Variants in CTNNA1 observed in about 807,000 individuals in gnomAD.
CTNNA1 encodes catenin alpha-1.
In CTNNA1, 37 loss-of-function variants were observed where a neutral mutation model predicts 98.4. That is an observed-to-expected ratio of 0.38 (90% CI 0.29 to 0.49). The LOEUF (loss-of-function observed/expected upper bound fraction) is 0.49. Among genes scored for constraint, CTNNA1 ranks in the 20% least tolerant of loss-of-function variants. CTNNA1 has a pLI of 0.95. For synonymous variants in CTNNA1, 404 were observed against 413.2 expected (o/e 0.98, Z 0.27); for missense variants, 761 against 1,147.2 (o/e 0.66, Z 4.86).
At chr5:138,915,182 C>A (rs538384762) in intron 10 of CTNNA1, among the ~76,000 whole-genome samples, 1 of 152,160 alleles carries the variant, frequency 6.6e-6, no homozygotes, top group Admixed American at 6.5e-5. Context: ...ACATTTACTT[C>A]TAATAACCCA....
chr5:138,905,740 AGTTT>A (rs914241279), intron 10 of CTNNA1, among the ~76,000 whole-genome samples: 11 of 152,150 alleles, frequency 7.2e-5, no homozygotes, highest in African/African-American at 2.7e-4. Context: ...AGAAGAGCTG[AGTTT>A]GTTTGTCTGG....
chr5:138,818,840 GC>G (rs561064350), intron 5 of CTNNA1, among the ~76,000 whole-genome samples: 35 of 152,228 alleles, frequency 2.3e-4, no homozygotes, highest in African/African-American at 7.9e-4. Flanking sequence ...ACAGGTGCTC[GC>G]GGTGGCTGTG....
chr5:138,819,204 T>C (rs762620659), intron 5 of CTNNA1, among the ~76,000 whole-genome samples: 2 of 152,100 alleles, frequency 1.3e-5, no homozygotes, highest in Non-Finnish European at 2.9e-5. Context: ...GTAATGACTC[T>C]AGGCCCCCGG....
chr5:138,855,552 T>G (rs1044903445), intron 7 of CTNNA1, among the ~76,000 whole-genome samples: 2 of 152,254 alleles, frequency 1.3e-5, no homozygotes, highest in African/African-American at 4.8e-5. Flanking sequence ...TTCATCTTCC[T>G]TTTAAAAAGC....
chr5:138,932,385 C>T (rs1765556806), intron 16 of CTNNA1, 193 bp from the exon 17 acceptor site: 2 of 1,412,350 alleles, frequency 1.4e-6, no homozygotes, highest in African/African-American at 2.9e-5. Flanking sequence ...CGACTTCCAT[C>T]AGCTCACCCG....
At chr5:138,909,970 C>T (rs1400948098) in intron 10 of CTNNA1, among the ~76,000 whole-genome samples, 2 of 152,220 alleles carry the variant, frequency 1.3e-5, no homozygotes, top group African/African-American at 2.4e-5. Flanking sequence ...AATCGCTTCA[C>T]TTTTCCACTT....
Position 138,863,646 on chromosome 5 carries a change from C to T in CTNNA1, c.1063-22566C>T, listed in dbSNP as rs949794206. Reference sequence around the variant, plus strand: ...TATGATTATCATCAGCATTTTACAGCCCAGTTGGGTTCTTCTTGCCTGCTG... The same window carrying T: ...TATGATTATCATCAGCATTTTACAGTCCAGTTGGGTTCTTCTTGCCTGCTG... On this transcript the variant is annotated intron_variant, in intron 7 of 17. Transcript: ENST00000302763. Among the ~76,000 whole-genome samples the T allele has an allele frequency of 1.1e-4, 17 of 152,300 alleles. No homozygotes were observed. The South Asian group carries it at 1.2e-3, about 11-fold the overall frequency.
At chr5:138,797,842 C>T (rs1386616966) in intron 3 of CTNNA1, among the ~76,000 whole-genome samples, 1 of 151,210 alleles carries the variant, frequency 6.6e-6, no homozygotes, top group Non-Finnish European at 1.5e-5. Flanking sequence ...GACTTGAGAA[C>T]TTCTTTAAAA....
intron 7 of CTNNA1, among the ~76,000 whole-genome samples, chr5:138,830,037 G>A (rs1761108785): frequency 6.6e-6 from 1 of 152,106 alleles, no homozygotes; most frequent in Admixed American, 6.6e-5. Flanking sequence ...CATGGAGGCG[G>A]GCGCCTGTAG....
intron 7 of CTNNA1, among the ~76,000 whole-genome samples, chr5:138,842,288 A>G (rs568245936): frequency 1.3e-5 from 2 of 152,286 alleles, no homozygotes; most frequent in African/African-American, 4.8e-5. Flanking sequence ...AAACAGAATG[A>G]GACTTCATTT....
chr5:138,930,964 C>G, intron 16 of CTNNA1, 29 bp downstream of exon 16: 1 of 1,455,294 alleles, frequency 6.9e-7, no homozygotes, highest in Non-Finnish European at 9.7e-7. Flanking sequence ...AGGTGGGTCT[C>G]CAAGCTCCTC....
chr5:138,908,800 G>C (rs901975662), intron 10 of CTNNA1, among the ~76,000 whole-genome samples: 1 of 152,028 alleles, frequency 6.6e-6, no homozygotes, highest in Non-Finnish European at 1.5e-5. Context: ...CTCTCTCTCT[G>C]CATTGCCTTC....
intron 5 of CTNNA1, among the ~76,000 whole-genome samples, chr5:138,818,334 C>G (rs1180534053): frequency 1.3e-5 from 2 of 151,360 alleles, no homozygotes; most frequent in African/African-American, 4.9e-5. Context: ...AGGCTGGTCC[C>G]GAACTCCTGG....
intron 7 of CTNNA1, among the ~76,000 whole-genome samples, chr5:138,855,811 T>C (rs992924291): frequency 6.6e-6 from 1 of 152,216 alleles, no homozygotes; most frequent in Non-Finnish European, 1.5e-5. Context: ...TTTGACAGTT[T>C]TTGTAGTTTG....
chr5:138,931,373 A>G (rs749731734), intron 16 of CTNNA1, among the ~76,000 whole-genome samples: 7 of 152,216 alleles, frequency 4.6e-5, no homozygotes, highest in Non-Finnish European at 8.8e-5. Context: ...GAAATTGTAC[A>G]ATACATTTCA....
chr5:138,882,172 G>A (rs1387392951), intron 7 of CTNNA1, among the ~76,000 whole-genome samples: 1 of 152,364 alleles, frequency 6.6e-6, no homozygotes. Flanking sequence ...ATGAGATGGT[G>A]TGGTAGCATT....
chr5:138,785,321 A>G (rs1201464458), intron 3 of CTNNA1, among the ~76,000 whole-genome samples: 1 of 152,008 alleles, frequency 6.6e-6, no homozygotes, highest in Non-Finnish European at 1.5e-5. Context: ...TCGGCCTCCC[A>G]AAGTGCTGGG....
Position 138,873,257 on chromosome 5 carries a change from A to G in CTNNA1, c.1063-12955A>G. On this transcript the variant is annotated intron_variant, in intron 7 of 17. Coordinates refer to ENST00000302763, the MANE Select transcript of CTNNA1 (RefSeq NM_001903.5). The surrounding 1 kb of genome is among the most constrained non-coding windows in gnomAD (Gnocchi z 6.1). Reference sequence around the variant, plus strand: ...GATGAACACTATAAAAATAATAAAAAAGAAAGAAAACAATAAAGCCATTGT... The same window carrying G: ...GATGAACACTATAAAAATAATAAAAGAGAAAGAAAACAATAAAGCCATTGT... 6.2e-7 allele frequency: 1 copy of G among 1,613,826 alleles called. No homozygotes were observed. Among genetic ancestry groups the G allele is most frequent in the Non-Finnish European group, 8.5e-7 (1 of 1,179,808 alleles).
chr5:138,900,094 C>G (rs930954543), intron 9 of CTNNA1, among the ~76,000 whole-genome samples: 4 of 152,210 alleles, frequency 2.6e-5, no homozygotes, highest in Non-Finnish European at 5.9e-5. Flanking sequence ...TATTGAGTGC[C>G]TCTGAAATGT....
Sources: allele counts gnomAD v4.1 joint callset (sites outside exome capture counted in the v4.1 genomes callset), GRCh38; gene constraint gnomAD v4.1.1; non-coding constraint Gnocchi (gnomAD v3.1); transcripts MANE v1.5; gene names NCBI Gene and HGNC (gene_info 2026-07-23, HGNC 2026-07-21).